NOSIP: variants seen among roughly 807,000 people sequenced by gnomAD.
NOSIP encodes the protein nitric oxide synthase-interacting protein.
In NOSIP, 25 loss-of-function variants were observed where a neutral mutation model predicts 36.4. The ratio of observed to expected loss-of-function variants is 0.69; its 90% CI spans 0.50 to 0.96. The LOEUF (loss-of-function observed/expected upper bound fraction) is 0.96. NOSIP is among the 40% of genes least tolerant of loss of function. NOSIP has a pLI of 0.00. For missense variants in NOSIP, 370 were observed against 429.0 expected (o/e 0.86, Z 1.21); for synonymous variants, 187 against 179.2 (o/e 1.04, Z -0.35).
In NOSIP at chr19:49,560,901, T is replaced by G. The variant is rs2080325145; in HGVS notation, c.-1-209A>C. On this transcript the variant is annotated intron_variant, in intron 1 of 8. Coordinates refer to ENST00000596358, the MANE Select transcript of NOSIP (RefSeq NM_001270960.2). The surrounding 1 kb of genome is among the most constrained non-coding windows in gnomAD (Gnocchi z 4.6). ...AGACTCACCTAGACTCATTTATATG[T>G]GAAAATAGCACCTTTAACAACAAAA... Among the ~76,000 whole-genome samples, 1 of 152,086 alleles carries G rather than the reference T, an allele frequency of 6.6e-6. No homozygotes were observed.
intron 5 of NOSIP, 33 bp downstream of exon 5, chr19:49,557,057 C>T (rs767677003): frequency 3.2e-5 from 51 of 1,597,184 alleles, no homozygotes; most frequent in Non-Finnish European, 4.3e-5. Context: ...GGCGCCCCGC[C>T]CCCCAACCCA....
chr19:49,575,392 C>T (rs1248942419), intron 1 of NOSIP, among the ~76,000 whole-genome samples: 1 of 152,170 alleles, frequency 6.6e-6, no homozygotes, highest in African/African-American at 2.4e-5. Flanking sequence ...AATATAATCA[C>T]CTTGGGGAAT....
chr19:49,577,041 G>A (rs186412155), intron 1 of NOSIP, among the ~76,000 whole-genome samples: 144 of 152,106 alleles, frequency 9.5e-4, no homozygotes, highest in African/African-American at 3.5e-3. Context: ...ATCTACAAAT[G>A]GCCAATAAGC....
chr19:49,575,943 A>G (rs1032650147), intron 1 of NOSIP, among the ~76,000 whole-genome samples: 2 of 152,118 alleles, frequency 1.3e-5, no homozygotes, highest in African/African-American at 4.8e-5. Context: ...CATCCTGACT[A>G]ACACGGTGAA....
At chr19:49,574,517 G>C (rs1034457586) in intron 1 of NOSIP, among the ~76,000 whole-genome samples, 4 of 152,102 alleles carry the variant, frequency 2.6e-5, no homozygotes, top group Non-Finnish European at 4.4e-5. Flanking sequence ...TGCGGTTTTC[G>C]ATGGCTGCCA....
At chr19:49,573,449 C>G (rs1280328944) in intron 1 of NOSIP, among the ~76,000 whole-genome samples, 1 of 152,120 alleles carries the variant, frequency 6.6e-6, no homozygotes, top group African/African-American at 2.4e-5. Flanking sequence ...AGAGTAGGGG[C>G]CCTGGTTGGT....
Position 49,555,600 on chromosome 19 carries a change from C to A in NOSIP, c.*151G>T. 1.6e-6 allele frequency: 1 copy of A among 636,194 alleles called. No homozygotes were observed. The highest frequency in any genetic ancestry group is 2.8e-6 in the Non-Finnish European group (1 of 354,516). The allele number at this position is 636,194 out of a possible 1,614,324, so 39.4% of individuals were successfully genotyped here. A position where few individuals can be genotyped will look rare whatever the true frequency, so the allele number is the denominator to read the frequency against. On this transcript the variant is annotated 3_prime_UTR_variant, in exon 9 of 9. Transcript: ENST00000596358. Reference sequence around the variant, plus strand: ...GTGAGACCACATTCAATATGCTTAGCCCGCTCTTTCAAACTCCAGCGTGCG... The same window carrying A: ...GTGAGACCACATTCAATATGCTTAGACCGCTCTTTCAAACTCCAGCGTGCG...
At position 49,572,795 on chromosome 19, in the gene NOSIP, G is replaced by A. The variant is rs191775218; in HGVS notation, c.-2+7720C>T. Among the ~76,000 whole-genome samples, 288 of 151,908 alleles carry A rather than the reference G, an allele frequency of 1.9e-3. 2 individuals are homozygous for A. Among genetic ancestry groups the A allele is most frequent in the African/African-American group, 6.4e-3 (265 of 41,472 alleles). ...TCAAGACCAGCCTGGCCAATGTGGC[G>A]AAACCCTGTCTCTACTAAAAATGCA... On this transcript the variant is annotated intron_variant, in intron 1 of 8. Coordinates refer to ENST00000596358, the MANE Select transcript of NOSIP (RefSeq NM_001270960.2).
chr19:49,577,667 AG>A (rs925707817), intron 1 of NOSIP, among the ~76,000 whole-genome samples: 56 of 151,608 alleles, frequency 3.7e-4, no homozygotes, highest in Non-Finnish European at 7.7e-4. Context: ...TGGGAGGCCA[AG>A]GCAGGAGGAT....
At chr19:49,573,638 T>G (rs2080514306) in intron 1 of NOSIP, among the ~76,000 whole-genome samples, 1 of 152,098 alleles carries the variant, frequency 6.6e-6, no homozygotes, top group African/African-American at 2.4e-5. Context: ...AATTCATTAG[T>G]AACATGTGAA....
At chr19:49,557,966 A>G in intron 4 of NOSIP, 12 of 982,448 alleles carry the variant, frequency 1.2e-5, no homozygotes, top group Non-Finnish European at 1.5e-5. Context: ...CAAAAAGCCC[A>G]ATAAGCATGT....
In NOSIP at chr19:49,555,799, G is replaced by C; in HGVS notation, c.858C>G (p.Ser286=). 1 of 1,613,408 alleles carries C rather than the reference G, an allele frequency of 6.2e-7. No individual in the cohort carries two copies. Among genetic ancestry groups the C allele is most frequent in the Non-Finnish European group, 8.5e-7 (1 of 1,179,834 alleles). Residue 286 remains serine, a synonymous_variant, in exon 9 of 9, where the codon TCC becomes TCG. Coordinates refer to ENST00000596358, the MANE Select transcript of NOSIP (RefSeq NM_001270960.2). ...ATTTCTCCGCTTGCAGCTTCACTCCGGAGCCCGCGAAGCCGGTACCGCCCT... is the reference window on the plus strand; with the variant it reads ...ATTTCTCCGCTTGCAGCTTCACTCCCGAGCCCGCGAAGCCGGTACCGCCCT... ...LQRGGTGFAG[S]GVKLQAEKSR... is the part of the protein sequence containing the mutation.
intron 4 of NOSIP, chr19:49,557,837 T>G: frequency 1.0e-6 from 1 of 988,156 alleles, no homozygotes; most frequent in Non-Finnish European, 1.2e-6. Flanking sequence ...CAGACCACCC[T>G]GGGCCACCCA....
At chr19:49,556,226 G>T (rs1300100279) in intron 8 of NOSIP, 91 bp downstream of exon 8, 2 of 641,558 alleles carry the variant, frequency 3.1e-6, no homozygotes, top group Non-Finnish European at 5.4e-6. Context: ...TGGAGAGTTG[G>T]GGGAAGGGGA....
In NOSIP at chr19:49,556,992, A is replaced by G. The variant is rs998511228; in HGVS notation, c.420T>C (p.Asp140=). The G allele has an allele frequency of 2.5e-6, 4 of 1,606,406 alleles. No individual in the cohort carries two copies. Among genetic ancestry groups the G allele is most frequent in the Non-Finnish European group, 3.4e-6 (4 of 1,176,258 alleles). ...TAKALSGTSP[D]DVQPGPSVGP... is the part of the protein sequence containing the mutation. ...CCACACTGGGCCCAGGTTGGACATC[A>G]TCTGTGGGGGAAGGAAGGGACTCAG... Residue 140 remains aspartate, a splice_region_variant and synonymous_variant, in exon 6 of 9, where the codon GAT becomes GAC. Coordinates refer to ENST00000596358, the MANE Select transcript of NOSIP (RefSeq NM_001270960.2).
chr19:49,573,417 C>T (rs1234044338), intron 1 of NOSIP, among the ~76,000 whole-genome samples: 3 of 152,140 alleles, frequency 2.0e-5, no homozygotes, highest in Non-Finnish European at 4.4e-5. Flanking sequence ...CGTTACAGCC[C>T]GTCCCTCGGT....
intron 1 of NOSIP, among the ~76,000 whole-genome samples, chr19:49,563,536 C>T (rs953137605): frequency 1.3e-5 from 2 of 151,036 alleles, no homozygotes; most frequent in African/African-American, 4.9e-5. Flanking sequence ...TCTTGTTGCC[C>T]AAGCTGGAGT....
chr19:49,572,864 C>T (rs2080503680), intron 1 of NOSIP, among the ~76,000 whole-genome samples: 1 of 150,422 alleles, frequency 6.6e-6, no homozygotes, highest in Non-Finnish European at 1.5e-5. Flanking sequence ...GTCCCAGCTA[C>T]TCGGGAGGCT....
chr19:49,556,182 G>GA, intron 8 of NOSIP, 135 bp downstream of exon 8: 4 of 400,182 alleles, frequency 1.0e-5, no homozygotes, highest in South Asian at 9.4e-5. Context: ...GGGGGGGGGG[G>GA]CGGCCTTACA....
Sources: gnomAD v4.1 joint callset for allele counts (sites outside exome capture counted in the v4.1 genomes callset) on GRCh38, gnomAD v4.1.1 for gene constraint, Gnocchi (gnomAD v3.1) non-coding constraint, MANE v1.5 for transcripts, NCBI Gene and HGNC (gene_info 2026-07-23, HGNC 2026-07-21) for gene names.